SLC16A7: variants seen among roughly 807,000 people sequenced by gnomAD.
SLC16A7 encodes monocarboxylate transporter 2.
A neutral mutation model predicts 34.9 loss-of-function variants in SLC16A7; 33 were observed. That is an observed-to-expected ratio of 0.94 (90% CI 0.72 to 1.26). SLC16A7 has a LOEUF of 1.26. Among genes scored for constraint, SLC16A7 ranks in the 50% most tolerant of loss-of-function variants. The pLI is 0.00. For synonymous variants in SLC16A7, 201 were observed against 206.6 expected (o/e 0.97, Z 0.23); for missense variants, 573 against 578.1 (o/e 0.99, Z 0.09).
rs1485321050 is a variant in SLC16A7, at chr12:59,786,706, CT to C, written c.*7028del. Reference sequence around the variant, plus strand: ...CACATTTTTACCATATAAAACTAGACTGGATTAAGGATTTTGCCTAAACCTA... The same window carrying C: ...CACATTTTTACCATATAAAACTAGACGGATTAAGGATTTTGCCTAAACCTA... On this transcript the variant is annotated 3_prime_UTR_variant, in exon 6 of 6. Coordinates refer to ENST00000547379, the MANE Select transcript of SLC16A7 (RefSeq NM_001270623.2). 1 of 152,082 alleles carries C rather than the reference CT, an allele frequency of 6.6e-6. No individual in the cohort carries two copies. 9.4% of individuals were successfully genotyped at this position (152,082 alleles called of 1,614,324 possible). A position where few individuals can be genotyped will look rare whatever the true frequency, so the allele number is the denominator to read the frequency against.
intron 3 of SLC16A7, among the ~76,000 whole-genome samples, chr12:59,750,502 A>G (rs1385938247): frequency 6.6e-6 from 1 of 152,222 alleles, no homozygotes. Flanking sequence ...AATCAAAACC[A>G]CAATGAGATA....
At chr12:59,605,716 A>T (rs1371715731) in intron 1 of SLC16A7, among the ~76,000 whole-genome samples, 1 of 151,982 alleles carries the variant, frequency 6.6e-6, no homozygotes, top group Admixed American at 6.6e-5. Flanking sequence ...CCTTGAGCCA[A>T]TTTTTTTTGT....
At chr12:59,672,797 G>T (rs753789749) in intron 2 of SLC16A7, among the ~76,000 whole-genome samples, 2 of 152,036 alleles carry the variant, frequency 1.3e-5, no homozygotes, top group Non-Finnish European at 2.9e-5. Context: ...ATTACCTATT[G>T]CAGTTAGATA....
intron 3 of SLC16A7, among the ~76,000 whole-genome samples, chr12:59,757,924 A>G (rs980821487): frequency 1.3e-5 from 2 of 152,148 alleles, no homozygotes; most frequent in African/African-American, 4.8e-5. Flanking sequence ...ATGTGCGTTA[A>G]TCTATTATTT....
chr12:59,697,671 A>T (rs1235953266), intron 2 of SLC16A7, among the ~76,000 whole-genome samples: 2 of 151,672 alleles, frequency 1.3e-5, no homozygotes, highest in Non-Finnish European at 3.0e-5. Flanking sequence ...AATTGCTACC[A>T]GCATTTGCCT....
At chr12:59,728,124 C>A (rs1876504020) in intron 3 of SLC16A7, among the ~76,000 whole-genome samples, 1 of 152,044 alleles carries the variant, frequency 6.6e-6, no homozygotes, top group Non-Finnish European at 1.5e-5. Flanking sequence ...AGTAAAAAGG[C>A]AGAAATTATA....
intron 2 of SLC16A7, among the ~76,000 whole-genome samples, chr12:59,700,071 C>T (rs1872710343): frequency 6.6e-6 from 1 of 151,782 alleles, no homozygotes; most frequent in Non-Finnish European, 1.5e-5. Flanking sequence ...AGATAAGCTT[C>T]ATCCAGACAT....
At chr12:59,692,356 G>A (rs1459338769) in intron 2 of SLC16A7, among the ~76,000 whole-genome samples, 1 of 151,882 alleles carries the variant, frequency 6.6e-6, no homozygotes, top group East Asian at 1.9e-4. Context: ...AAGTTCTGGG[G>A]ATCCAGACAT....
At chr12:59,753,386 G>T (rs1879847771) in intron 3 of SLC16A7, among the ~76,000 whole-genome samples, 1 of 152,034 alleles carries the variant, frequency 6.6e-6, no homozygotes, top group Middle Eastern at 3.2e-3. Flanking sequence ...ACACACATAG[G>T]CTCAAAATAA....
chr12:59,673,126 T>A (rs1463888787), intron 2 of SLC16A7, among the ~76,000 whole-genome samples: 1 of 152,218 alleles, frequency 6.6e-6, no homozygotes, highest in Admixed American at 6.5e-5. Context: ...AAGGTTCTTA[T>A]GAAATTTATA....
chr12:59,748,794 C>T (rs2711694), intron 3 of SLC16A7, among the ~76,000 whole-genome samples: 6,851 of 152,104 alleles, frequency 0.045, 497 homozygotes, highest in African/African-American at 0.16. Flanking sequence ...TATGTAGGTT[C>T]GGGATTGCTA....
intron 3 of SLC16A7, among the ~76,000 whole-genome samples, chr12:59,753,077 G>T (rs1320167434): frequency 6.6e-6 from 1 of 152,130 alleles, no homozygotes; most frequent in Non-Finnish European, 1.5e-5. Flanking sequence ...TCACCACAAG[G>T]CCTGCCCTAA....
intron 3 of SLC16A7, chr12:59,768,168 G>A (rs1881870087): frequency 2.2e-6 from 1 of 455,572 alleles, no homozygotes; most frequent in African/African-American, 2.0e-5. Context: ...GGGAAAAGGA[G>A]ATGGAAAATC....
intron 3 of SLC16A7, among the ~76,000 whole-genome samples, chr12:59,743,290 A>T (rs1878538313): frequency 6.6e-6 from 1 of 152,218 alleles, no homozygotes; most frequent in African/African-American, 2.4e-5. Context: ...TTCTACATTA[A>T]TATTTTTGGA....
intron 3 of SLC16A7, among the ~76,000 whole-genome samples, chr12:59,738,963 A>G (rs1877941790): frequency 6.6e-6 from 1 of 151,464 alleles, no homozygotes; most frequent in African/African-American, 2.4e-5. Context: ...TGCATGGAAT[A>G]TTATATATTA....
At chr12:59,772,034 G>A (rs898262612) in intron 4 of SLC16A7, among the ~76,000 whole-genome samples, 2 of 152,046 alleles carry the variant, frequency 1.3e-5, no homozygotes, top group African/African-American at 4.8e-5. Flanking sequence ...CACCCGGAAA[G>A]CACTATTTTT....
At chr12:59,667,724 C>G (rs1273273601) in intron 2 of SLC16A7, among the ~76,000 whole-genome samples, 2 of 152,210 alleles carry the variant, frequency 1.3e-5, no homozygotes, top group Non-Finnish European at 2.9e-5. Flanking sequence ...TAACAAGGAG[C>G]CAAATGCTAA....
At chr12:59,754,633 A>G (rs1880059665) in intron 3 of SLC16A7, among the ~76,000 whole-genome samples, 1 of 152,196 alleles carries the variant, frequency 6.6e-6, no homozygotes, top group African/African-American at 2.4e-5. Context: ...CCAACCAAAA[A>G]GAGTCCAGGA....
chr12:59,737,984 C>A (rs1257325913), intron 3 of SLC16A7, among the ~76,000 whole-genome samples: 1 of 152,088 alleles, frequency 6.6e-6, no homozygotes, highest in Admixed American at 6.5e-5. Context: ...AGATAATGAT[C>A]CATTCTCCTG....
Sources: allele counts gnomAD v4.1 joint callset (sites outside exome capture counted in the v4.1 genomes callset), GRCh38; gene constraint gnomAD v4.1.1; transcripts MANE v1.5; gene names NCBI Gene and HGNC (gene_info 2026-07-23, HGNC 2026-07-21).